The following USP30 variants were observed in gnomAD, a reference collection of about 807,000 sequenced individuals.
The protein encoded by USP30 is ubiquitin specific peptidase 30.
In USP30, 41 loss-of-function variants were observed where a neutral mutation model predicts 68.2. The ratio of observed to expected loss-of-function variants is 0.60; its 90% CI spans 0.47 to 0.78. USP30 has a LOEUF of 0.78. Among genes scored for constraint, USP30 ranks in the 30% least tolerant of loss-of-function variants. USP30 has a pLI of 0.00. For synonymous variants in USP30, 229 were observed against 253.7 expected, an observed-to-expected ratio of 0.90 and a Z score of 0.93; for missense variants, 522 against 649.4, an observed-to-expected ratio of 0.80 and a Z score of 2.13.
In USP30 at chr12:109,087,442, A is replaced by G. The variant is rs1158987378; in HGVS notation, c.*1511A>G. 5.3e-5 allele frequency: 8 copies of G among 152,162 alleles called. No homozygotes were observed. Among genetic ancestry groups the G allele is most frequent in the Admixed American group, 5.2e-4 (8 of 15,266 alleles). The allele number at this position is 152,162 out of a possible 1,614,324, so 9.4% of individuals were successfully genotyped here. Reference sequence around the variant, plus strand: ...CTGAGGACTCAGTAACTCACTCTCAACAGAATATTCTGTGCAGGCTCTCCA... The same window carrying G: ...CTGAGGACTCAGTAACTCACTCTCAGCAGAATATTCTGTGCAGGCTCTCCA... On this transcript the variant is annotated 3_prime_UTR_variant, in exon 13 of 13. Transcript: ENST00000257548.
intron 6 of USP30, among the ~76,000 whole-genome samples, chr12:109,072,929 C>T (rs1401235493): frequency 6.6e-6 from 1 of 152,124 alleles, no homozygotes; most frequent in Non-Finnish European, 1.5e-5. Context: ...TAAAGGCATT[C>T]CCAGGTCAGG....
chr12:109,081,631 A>C, intron 8 of USP30: 1 of 396,508 alleles, frequency 2.5e-6, no homozygotes, highest in Non-Finnish European at 4.5e-6. Context: ...GCGCACACAC[A>C]CACACACACA....
intron 7 of USP30, 41 bp downstream of exon 7, chr12:109,073,573 T>G (rs748798078): frequency 6.4e-7 from 1 of 1,566,340 alleles, no homozygotes; most frequent in African/African-American, 1.4e-5. Context: ...GGGAGAGGTT[T>G]TCCAAAAGTT....
intron 3 of USP30, among the ~76,000 whole-genome samples, chr12:109,065,917 G>A (rs763748614): frequency 2.6e-5 from 4 of 152,164 alleles, no homozygotes; most frequent in Non-Finnish European, 4.4e-5. Flanking sequence ...TGCTGCAGTG[G>A]CAGAGTTGAG....
Position 109,053,970 on chromosome 12 carries a change from C to T in USP30, c.83+1209C>T, listed in dbSNP as rs567096701. The T allele has an allele frequency of 3.5e-5, 16 of 455,774 alleles. No individual in the cohort carries two copies. The East Asian group carries it at 9.7e-4, about 28-fold the overall frequency. The allele number at this position is 455,774 out of a possible 1,614,324, so 28.2% of individuals were successfully genotyped here. On this transcript the variant is annotated intron_variant, in intron 1 of 12. Coordinates refer to ENST00000257548, the MANE Select transcript of USP30 (RefSeq NM_032663.5). ...CTTCACTCACTGTGACCAAGTTGGGCTCTTAGTTTCTTCTGCTATAAAAAT... is the reference window on the plus strand; with the variant it reads ...CTTCACTCACTGTGACCAAGTTGGGTTCTTAGTTTCTTCTGCTATAAAAAT...
chr12:109,035,474 C>T (rs755365705), intron 3 of USP30, among the ~76,000 whole-genome samples: 10 of 152,176 alleles, frequency 6.6e-5, no homozygotes, highest in Non-Finnish European at 1.3e-4. Context: ...AGCGATTCTC[C>T]TGCCTCAGCC....
chr12:109,048,118 G>C (rs899157996), upstream of USP30, among the ~76,000 whole-genome samples: 3 of 141,760 alleles, frequency 2.1e-5, no homozygotes, highest in African/African-American at 8.1e-5. Context: ...TTGCTCTGTT[G>C]GCCAGGCTGT....
At chr12:109,047,668 C>T (rs1264228126), upstream of USP30, 3 of 152,176 alleles carry the variant, frequency 2.0e-5, no homozygotes, top group African/African-American at 7.2e-5. Flanking sequence ...TAGGGTCCAT[C>T]CTCTGGGCCA....
chr12:109,068,188 G>A (rs957521905), intron 4 of USP30, among the ~76,000 whole-genome samples: 20 of 152,204 alleles, frequency 1.3e-4, no homozygotes, highest in African/African-American at 4.8e-4. Context: ...CCAACAGCAA[G>A]TCTGAAGCAG....
intron 1 of USP30, among the ~76,000 whole-genome samples, chr12:109,053,526 C>T (rs1167575634): frequency 6.6e-6 from 1 of 152,106 alleles, no homozygotes; most frequent in Non-Finnish European, 1.5e-5. Context: ...CCCCCTCCCC[C>T]ACTGCTGACC....
At chr12:109,055,334 A>T (rs1449336331) in intron 1 of USP30, among the ~76,000 whole-genome samples, 1 of 140,024 alleles carries the variant, frequency 7.1e-6, no homozygotes, top group Non-Finnish European at 1.5e-5. Context: ...GTATTCAGTC[A>T]TTCAATAAAT....
chr12:109,074,965 GT>G (rs1219225785), intron 7 of USP30, among the ~76,000 whole-genome samples: 2 of 152,188 alleles, frequency 1.3e-5, no homozygotes, highest in African/African-American at 4.8e-5. Context: ...AGATCAGGTG[GT>G]GTTTATCTTT....
intron 3 of USP30, chr12:109,060,179 G>T (rs942442778): frequency 3.9e-5 from 6 of 152,014 alleles, no homozygotes; most frequent in African/African-American, 1.5e-4. Flanking sequence ...AAAGAGCAGC[G>T]TACAAAATAT....
chr12:109,046,226 C>T (rs749989908), intron 3 of USP30, among the ~76,000 whole-genome samples: 2 of 150,358 alleles, frequency 1.3e-5, no homozygotes, highest in Non-Finnish European at 3.0e-5. Context: ...CTCAGCCTCC[C>T]TAGTACCTGG....
chr12:109,063,878 CTT>C (rs1341130766), intron 3 of USP30, among the ~76,000 whole-genome samples: 4 of 127,262 alleles, frequency 3.1e-5, no homozygotes, highest in Non-Finnish European at 1.7e-5. Context: ...AATTGGGTTT[CTT>C]TTTTTTTTTT....
chr12:109,079,531 T>A (rs1441226996), intron 7 of USP30, among the ~76,000 whole-genome samples: 1 of 150,604 alleles, frequency 6.6e-6, no homozygotes, highest in African/African-American at 2.4e-5. Context: ...ACCCAGCTAA[T>A]TTTTTTTTAT....
intron 5 of USP30, 151 bp from the exon 6 acceptor site, chr12:109,072,154 G>A (rs543661884): frequency 3.0e-6 from 2 of 661,498 alleles, no homozygotes; most frequent in Admixed American, 5.8e-5. Context: ...TAGGCTAATT[G>A]AGGCTACCTT....
chr12:109,063,798 C>T (rs972422738), intron 3 of USP30, among the ~76,000 whole-genome samples: 2 of 151,298 alleles, frequency 1.3e-5, no homozygotes, highest in Non-Finnish European at 2.9e-5. Context: ...AGCATCTTTT[C>T]ATTTGCTTAT....
upstream of USP30, among the ~76,000 whole-genome samples, chr12:109,051,732 G>C (rs1347686038): frequency 1.3e-5 from 2 of 151,322 alleles, no homozygotes; most frequent in East Asian, 3.9e-4. Context: ...ACCACGCCCG[G>C]CTAATTTTTG....
Sources: gnomAD v4.1 joint callset for allele counts (sites outside exome capture counted in the v4.1 genomes callset) on GRCh38, gnomAD v4.1.1 for gene constraint, MANE v1.5 for transcripts, NCBI Gene and HGNC (gene_info 2026-07-23, HGNC 2026-07-21) for gene names.